The following ZDHHC21 variants were observed in gnomAD, a reference collection of about 807,000 sequenced individuals.
ZDHHC21 encodes palmitoyltransferase ZDHHC21.
Under a neutral mutation model 34.6 loss-of-function variants are expected in ZDHHC21, and 15 were observed. The observed-to-expected ratio is 0.43, with a 90% confidence interval of 0.29 to 0.67. The LOEUF (loss-of-function observed/expected upper bound fraction) is 0.67, where lower values mean the gene tolerates loss of function less well. ZDHHC21 is among the 30% of genes least tolerant of loss of function. The pLI, the probability that ZDHHC21 is intolerant of heterozygous loss-of-function variation, is 0.14. For synonymous variants in ZDHHC21, 142 were observed against 101.8 expected (o/e 1.40, Z -2.38); for missense variants, 344 against 327.7 (o/e 1.05, Z -0.38).
chr9:14,624,399 T>A (rs538309912), intron 8 of ZDHHC21, among the ~76,000 whole-genome samples: 1 of 152,112 alleles, frequency 6.6e-6, no homozygotes, highest in Non-Finnish European at 1.5e-5. Flanking sequence ...CTCTTCATAA[T>A]AGCCAAGATA....
At chr9:14,642,459 G>C (rs1348767830) in intron 7 of ZDHHC21, among the ~76,000 whole-genome samples, 3 of 151,972 alleles carry the variant, frequency 2.0e-5, no homozygotes, top group Non-Finnish European at 2.9e-5. Context: ...GGCTCAATTA[G>C]GTCCCCCAAA....
At chr9:14,671,860 C>G (rs550371405) in intron 5 of ZDHHC21, among the ~76,000 whole-genome samples, 27 of 152,092 alleles carry the variant, frequency 1.8e-4, no homozygotes, top group Non-Finnish European at 2.9e-4. Flanking sequence ...AATAAAATTT[C>G]ATAAAATATG....
chr9:14,684,568 G>A (rs969393841), intron 2 of ZDHHC21, among the ~76,000 whole-genome samples: 1 of 151,480 alleles, frequency 6.6e-6, no homozygotes, highest in African/African-American at 2.4e-5. Context: ...CAAACAAATG[G>A]AAGAACATTC....
At chr9:14,662,789 A>C (rs1833643033) in intron 5 of ZDHHC21, among the ~76,000 whole-genome samples, 1 of 152,182 alleles carries the variant, frequency 6.6e-6, no homozygotes, top group African/African-American at 2.4e-5. Context: ...CTATAAACTC[A>C]TCCGAAAAAC....
chr9:14,644,098 G>C (rs1829870205), intron 7 of ZDHHC21, among the ~76,000 whole-genome samples: 1 of 152,052 alleles, frequency 6.6e-6, no homozygotes, highest in South Asian at 2.1e-4. Flanking sequence ...TCTTCTAAAG[G>C]ACTTGCACTT....
chr9:14,643,951 C>G lies in ZDHHC21; in HGVS notation c.505-3939G>C, dbSNP rs189949839. 7.9e-5 allele frequency among the ~76,000 whole-genome samples: 12 copies of G among 152,310 alleles called. No homozygotes were observed. The East Asian group carries it at 2.3e-3, about 29-fold the overall frequency. The stretch of plus-strand genomic sequence containing the variant: ...GTAGGCCATGTCATCCCATCTTACT[C>G]TTTTGCAAGAACGTCTTGATTATTC... On this transcript the variant is annotated intron_variant, in intron 7 of 9. Coordinates refer to ENST00000380916, the MANE Select transcript of ZDHHC21 (RefSeq NM_178566.6).
In ZDHHC21 at chr9:14,680,174, T is replaced by G. The variant is rs1212390502; in HGVS notation, c.-175-12A>C. On this transcript the variant is annotated splice_polypyrimidine_tract_variant and intron_variant, in intron 2 of 9. Coordinates refer to ENST00000380916, the MANE Select transcript of ZDHHC21 (RefSeq NM_178566.6). ...TTCTCCATGAGAACCTATTCATGGT[T>G]TAACAAACAATGATTTCTCACAAAG... 1 of 152,460 alleles carries G rather than the reference T, an allele frequency of 6.6e-6. No homozygotes were observed. The highest frequency in any genetic ancestry group is 2.4e-5 in the African/African-American group (1 of 41,426). The allele number at this position is 152,460 out of a possible 1,614,324, so 9.4% of individuals were successfully genotyped here.
chr9:14,630,620 T>C (rs1586949611), intron 8 of ZDHHC21, among the ~76,000 whole-genome samples: 1 of 152,350 alleles, frequency 6.6e-6, no homozygotes, highest in Non-Finnish European at 1.5e-5. Context: ...ATCAGAGGAA[T>C]CACTGTCTAC....
chr9:14,643,832 T>C (rs1302893677), intron 7 of ZDHHC21, among the ~76,000 whole-genome samples: 1 of 152,228 alleles, frequency 6.6e-6, no homozygotes, highest in Non-Finnish European at 1.5e-5. Context: ...CATACATGCA[T>C]GGGCTCTCTA....
intron 5 of ZDHHC21, 103 bp downstream of exon 5, chr9:14,672,727 G>T (rs924108737): frequency 4.1e-6 from 3 of 737,726 alleles, no homozygotes; most frequent in Non-Finnish European, 6.4e-6. Flanking sequence ...TCAAAGTGGT[G>T]TTAGATGACA....
intron 5 of ZDHHC21, among the ~76,000 whole-genome samples, chr9:14,668,507 A>G (rs1834892457): frequency 8.1e-6 from 1 of 124,056 alleles, no homozygotes; most frequent in South Asian, 3.2e-4. Flanking sequence ...ACTACTTTAA[A>G]GTTCATATGG....
the ZDHHC21 span, among the ~76,000 whole-genome samples, chr9:14,601,858 A>T: frequency 2.6e-5 from 4 of 152,182 alleles, no homozygotes; most frequent in African/African-American, 9.6e-5. Context: ...GACATGGATG[A>T]AGCTGGAAAC....
chr9:14,661,539 G>C (rs770741247), intron 6 of ZDHHC21, among the ~76,000 whole-genome samples: 26 of 152,232 alleles, frequency 1.7e-4, no homozygotes, highest in Non-Finnish European at 2.2e-4. Flanking sequence ...ACAATATCTT[G>C]TTCACAGATT....
chr9:14,643,603 T>C (rs1829780860), intron 7 of ZDHHC21, among the ~76,000 whole-genome samples: 1 of 152,222 alleles, frequency 6.6e-6, no homozygotes, highest in South Asian at 2.1e-4. Flanking sequence ...GAAGTAATAA[T>C]GGCATTCTCC....
chr9:14,658,915 A>T, intron 6 of ZDHHC21, 28 bp from the exon 7 acceptor site: 1 of 1,589,574 alleles, frequency 6.3e-7, no homozygotes, highest in Non-Finnish European at 8.6e-7. Context: ...AAAAGAAACA[A>T]TATTTTAAAT....
chr9:14,624,338 A>T (rs771161565), intron 8 of ZDHHC21, among the ~76,000 whole-genome samples: 16 of 152,106 alleles, frequency 1.1e-4, no homozygotes, highest in Non-Finnish European at 8.8e-5. Context: ...GGACAACTGT[A>T]TATTCAAAGG....
intron 8 of ZDHHC21, among the ~76,000 whole-genome samples, chr9:14,637,071 CAA>C (rs1181704579): frequency 2.6e-5 from 4 of 151,302 alleles, no homozygotes; most frequent in African/African-American, 9.7e-5. Flanking sequence ...GACGTAAAAG[CAA>C]AAGAGACTAA....
chr9:14,670,896 C>A (rs189393913), intron 5 of ZDHHC21, among the ~76,000 whole-genome samples: 3 of 152,004 alleles, frequency 2.0e-5, no homozygotes, highest in South Asian at 2.1e-4. Flanking sequence ...ATCTCTAAAG[C>A]CTTTCTTAGT....
At chr9:14,650,212 C>T (rs1830987543) in intron 7 of ZDHHC21, among the ~76,000 whole-genome samples, 1 of 151,824 alleles carries the variant, frequency 6.6e-6, no homozygotes, top group South Asian at 2.1e-4. Flanking sequence ...ATAGATTATT[C>T]TTATTTCTTT....
Sources: gnomAD v4.1 joint callset for allele counts (sites outside exome capture counted in the v4.1 genomes callset) on GRCh38, gnomAD v4.1.1 for gene constraint, MANE v1.5 for transcripts, NCBI Gene and HGNC (gene_info 2026-07-23, HGNC 2026-07-21) for gene names.